The following PARD3B variants were observed in gnomAD, a reference collection of about 807,000 sequenced individuals.
The protein encoded by PARD3B is partitioning defective 3 homolog B.
PARD3B carries 103 observed loss-of-function variants against 130.2 expected under a neutral mutation model. The observed-to-expected ratio is 0.79, with a 90% CI of 0.67 to 0.93. The LOEUF (loss-of-function observed/expected upper bound fraction) is 0.93. Among genes scored for constraint, PARD3B ranks in the 40% least tolerant of loss-of-function variants. The probability of loss-of-function intolerance (pLI) is 0.00; values close to 1 mark genes in which losing one functional copy is unlikely to be tolerated. For synonymous variants in PARD3B, 583 were observed against 553.2 expected, an observed-to-expected ratio of 1.05 and a Z score of -0.76; for missense variants, 1,609 against 1,499.2, an observed-to-expected ratio of 1.07 and a Z score of -1.21.
intron 15 of PARD3B, among the ~76,000 whole-genome samples, chr2:205,201,505 A>C (rs1224233833): frequency 6.6e-6 from 1 of 152,204 alleles, no homozygotes; most frequent in Non-Finnish European, 1.5e-5. Context: ...GGTTCTTTTT[A>C]TTTTTTGTTA....
At chr2:205,311,362 C>G (rs2042379762) in intron 18 of PARD3B, among the ~76,000 whole-genome samples, 1 of 152,122 alleles carries the variant, frequency 6.6e-6, no homozygotes, top group Non-Finnish European at 1.5e-5. Flanking sequence ...ACCATTTTAA[C>G]AAGTTTGCAG....
At chr2:204,742,963 G>A (rs114810179) in intron 2 of PARD3B, among the ~76,000 whole-genome samples, 4,189 of 152,182 alleles carry the variant, frequency 0.028, 181 homozygotes, top group African/African-American at 0.096. Context: ...TTTTCTCAGA[G>A]TTTGTCTTTT....
Position 205,253,477 on chromosome 2 carries a change from C to A in PARD3B, c.2185+7655C>A. On this transcript the variant is annotated intron_variant, in intron 16 of 22. Transcript: ENST00000406610. The surrounding 1 kb of genome is among the most constrained non-coding windows in gnomAD (Gnocchi z 4.4). The stretch of plus-strand genomic sequence containing the variant: ...ACCTTGTGGATGGATGCAAAGAGAC[C>A]AAACTTGGCGGGCACTGGAAGTACC... 1 of 559,588 alleles carries A rather than the reference C, an allele frequency of 1.8e-6. No individual in the cohort carries two copies. The highest frequency in any genetic ancestry group is 1.9e-5 in the African/African-American group (1 of 52,756). 34.7% of individuals were successfully genotyped at this position (559,588 alleles called of 1,614,324 possible). A position where few individuals can be genotyped will look rare whatever the true frequency, so the allele number is the denominator to read the frequency against.
intron 1 of PARD3B, among the ~76,000 whole-genome samples, chr2:204,551,672 G>A (rs886072915): frequency 2.6e-5 from 4 of 152,246 alleles, no homozygotes; most frequent in South Asian, 2.1e-4. Flanking sequence ...TGCCCTGTGC[G>A]CGATTGGGAG....
chr2:205,600,726 T>C (rs1381969332), intron 22 of PARD3B, among the ~76,000 whole-genome samples: 1 of 152,232 alleles, frequency 6.6e-6, no homozygotes, highest in Admixed American at 6.5e-5. Flanking sequence ...CATTGTTCAG[T>C]TCTTACCTGT....
intron 2 of PARD3B, among the ~76,000 whole-genome samples, chr2:204,748,955 G>A (rs1458103841): frequency 6.6e-6 from 1 of 152,044 alleles, no homozygotes; most frequent in African/African-American, 2.4e-5. Flanking sequence ...TTGCAAACTT[G>A]ATCATTTACA....
intron 2 of PARD3B, among the ~76,000 whole-genome samples, chr2:204,782,160 C>T (rs1454725766): frequency 6.6e-6 from 1 of 152,004 alleles, no homozygotes; most frequent in Non-Finnish European, 1.5e-5. Context: ...TGCTGATCAG[C>T]CTAATTATCC....
At chr2:204,895,007 T>C (rs1307484043) in intron 2 of PARD3B, among the ~76,000 whole-genome samples, 1 of 151,972 alleles carries the variant, frequency 6.6e-6, no homozygotes, top group Non-Finnish European at 1.5e-5. Flanking sequence ...ATGTTTGGAC[T>C]ATAGTAATAG....
intron 14 of PARD3B, among the ~76,000 whole-genome samples, chr2:205,189,944 G>A (rs902611126): frequency 2.0e-5 from 3 of 152,190 alleles, no homozygotes; most frequent in Non-Finnish European, 4.4e-5. Flanking sequence ...ATATGTGTAT[G>A]TATATAGATA....
In PARD3B at chr2:205,265,309, C is replaced by A. The variant is rs866127444; in HGVS notation, c.2185+19487C>A. Among the ~76,000 whole-genome samples the A allele has an allele frequency of 6.6e-6, 1 of 151,864 alleles. No individual in the cohort carries two copies. Among genetic ancestry groups the A allele is most frequent in the African/African-American group, 2.4e-5 (1 of 41,370 alleles). ...GGAAGATTGGGGTGATACATGGAAT[C>A]GATGCACTTTCAAGTTGGCGGATCT... On this transcript the variant is annotated intron_variant, in intron 16 of 22. Transcript: ENST00000406610. This position sits in a 1 kb window ranked among gnomAD's most constrained non-coding sequence, Gnocchi z 4.3.
At chr2:205,147,022 A>C (rs1214890094) in intron 10 of PARD3B, among the ~76,000 whole-genome samples, 2 of 152,146 alleles carry the variant, frequency 1.3e-5, no homozygotes. Context: ...GGCCACAGTC[A>C]TGTATTTTAA....
At chr2:204,828,043 C>CT (rs34968518) in intron 2 of PARD3B, among the ~76,000 whole-genome samples, 40,108 of 151,934 alleles carry the variant, frequency 0.26, 8,628 homozygotes, top group African/African-American at 0.59. Context: ...CCATCTGCCC[C>CT]GGTCCAGTGT....
chr2:204,615,865 T>A (rs2034093532), intron 1 of PARD3B, among the ~76,000 whole-genome samples: 1 of 152,176 alleles, frequency 6.6e-6, no homozygotes, highest in African/African-American at 2.4e-5. Flanking sequence ...CTTCATTTTA[T>A]CACACAGAAT....
At chr2:205,380,565 A>T (rs1418453690) in intron 18 of PARD3B, among the ~76,000 whole-genome samples, 5 of 38,368 alleles carry the variant, frequency 1.3e-4, no homozygotes, top group African/African-American at 9.4e-4. Context: ...TATTATATAT[A>T]ATATATAAAG....
intron 15 of PARD3B, among the ~76,000 whole-genome samples, chr2:205,194,389 T>C (rs62172737): frequency 8.3e-4 from 126 of 152,192 alleles, no homozygotes; most frequent in Non-Finnish European, 1.4e-3. Context: ...GATAGAAACC[T>C]TAACAAGGAA....
chr2:204,820,596 C>A (rs1486633867), intron 2 of PARD3B, among the ~76,000 whole-genome samples: 3 of 151,792 alleles, frequency 2.0e-5, no homozygotes, highest in African/African-American at 7.3e-5. Flanking sequence ...AGGCAGATCA[C>A]TTGAGGTCAG....
At chr2:205,134,265 G>A (rs1209167703) in intron 10 of PARD3B, among the ~76,000 whole-genome samples, 1 of 151,708 alleles carries the variant, frequency 6.6e-6, no homozygotes, top group Non-Finnish European at 1.5e-5. Flanking sequence ...GCTCATGCCT[G>A]TAATCCCATC....
intron 4 of PARD3B, among the ~76,000 whole-genome samples, chr2:205,085,080 C>T (rs922234339): frequency 1.3e-5 from 2 of 152,008 alleles, no homozygotes; most frequent in African/African-American, 2.4e-5. Context: ...CTGGATTTGT[C>T]AATCTCCTTA....
chr2:205,309,624 C>T lies in PARD3B; in HGVS notation c.2630+7923C>T, dbSNP rs1040981806. Among the ~76,000 whole-genome samples, 1 of 152,078 alleles carries T rather than the reference C, an allele frequency of 6.6e-6. No individual in the cohort carries two copies. Among genetic ancestry groups the T allele is most frequent in the Admixed American group, 6.6e-5 (1 of 15,264 alleles). On this transcript the variant is annotated intron_variant, in intron 18 of 22. Coordinates refer to ENST00000406610, the MANE Select transcript of PARD3B (RefSeq NM_001302769.2). The surrounding 1 kb of genome is among the most constrained non-coding windows in gnomAD (Gnocchi z 4.7). ...CACAAACAACACACCACCAAATTAG[C>T]CAAATTAACACTGAACCTAGTTAAA...
Sources: allele counts gnomAD v4.1 joint callset (sites outside exome capture counted in the v4.1 genomes callset), GRCh38; gene constraint gnomAD v4.1.1; non-coding constraint Gnocchi (gnomAD v3.1); transcripts MANE v1.5; gene names NCBI Gene and HGNC (gene_info 2026-07-23, HGNC 2026-07-21).